Variants in MRPS28 observed in about 807,000 individuals in gnomAD.
MRPS28 encodes mitochondrial ribosomal protein S28, also known as small ribosomal subunit protein bS1m.
A neutral mutation model predicts 10.8 loss-of-function variants in MRPS28; 7 were observed. The ratio of observed to expected loss-of-function variants is 0.65; its 90% CI spans 0.37 to 1.22. MRPS28 has a LOEUF of 1.22. Ranked by LOEUF, MRPS28 falls within the 50% of genes most tolerant of loss-of-function variation. The pLI is 0.02. For synonymous variants in MRPS28, 121 were observed against 93.3 expected, an observed-to-expected ratio of 1.30 and a Z score of -1.71; for missense variants, 265 against 232.9, an observed-to-expected ratio of 1.14 and a Z score of -0.90.
chr8:79,999,135 T>C (rs1272498329), intron 2 of MRPS28, among the ~76,000 whole-genome samples: 7 of 152,212 alleles, frequency 4.6e-5, no homozygotes, highest in Admixed American at 1.3e-4. Context: ...ATTTAAAATG[T>C]ACCAAAGCAG....
At chr8:79,942,287 T>G (rs1206965001) in intron 2 of MRPS28, among the ~76,000 whole-genome samples, 1 of 152,190 alleles carries the variant, frequency 6.6e-6, no homozygotes, top group African/African-American at 2.4e-5. Flanking sequence ...GTGATACACT[T>G]GGAAGCAGCA....
intron 2 of MRPS28, among the ~76,000 whole-genome samples, chr8:79,943,203 G>A (rs192390432): frequency 1.3e-5 from 2 of 152,312 alleles, no homozygotes; most frequent in East Asian, 3.9e-4. Context: ...GATGAAAGAA[G>A]AGTGCTAAAA....
At chr8:79,991,909 G>GCTCGCT (rs1808372603) in intron 2 of MRPS28, among the ~76,000 whole-genome samples, 2 of 133,008 alleles carry the variant, frequency 1.5e-5, no homozygotes, top group African/African-American at 3.1e-5. Flanking sequence ...CTTCCTCCTT[G>GCTCGCT]CTCTCTCTCT....
At chr8:80,002,819 AG>A (rs1164522712) in intron 2 of MRPS28, among the ~76,000 whole-genome samples, 179 bp downstream of exon 2, 4 of 152,260 alleles carry the variant, frequency 2.6e-5, no homozygotes, top group Non-Finnish European at 5.9e-5. Context: ...AGAAGATATG[AG>A]TCTGGCCTGA....
rs1809168553 is a variant in MRPS28 at position 80,015,409 on chromosome 8, G to A, written c.214-12229C>T. On this transcript the variant is annotated intron_variant, in intron 1 of 2. Transcript: ENST00000276585. The stretch of plus-strand genomic sequence containing the variant: ...CAGAGCCTAAGTGTCCTGGAGGAAG[G>A]GAAATAACCAATTCTAGCTGGCACT... Among the ~76,000 whole-genome samples the A allele has an allele frequency of 3.9e-5, 6 of 152,146 alleles. No homozygotes were observed. In the South Asian group the frequency reaches 1.2e-3, roughly 32 times the overall value.
intron 2 of MRPS28, among the ~76,000 whole-genome samples, chr8:79,940,902 A>G (rs1806749696): frequency 6.6e-6 from 1 of 152,256 alleles, no homozygotes; most frequent in African/African-American, 2.4e-5. Flanking sequence ...AGCACGCAAC[A>G]TTGATTTTTA....
chr8:79,953,415 AT>A (rs945316625), intron 2 of MRPS28, among the ~76,000 whole-genome samples: 5 of 152,204 alleles, frequency 3.3e-5, no homozygotes, highest in African/African-American at 1.2e-4. Flanking sequence ...AGAAACAGCC[AT>A]TTATAGGCCT....
At chr8:80,012,904 C>A (rs1014734775) in intron 1 of MRPS28, among the ~76,000 whole-genome samples, 1 of 152,130 alleles carries the variant, frequency 6.6e-6, no homozygotes, top group Non-Finnish European at 1.5e-5. Context: ...ACAGGGGCAA[C>A]TAGTGCTAAA....
At chr8:79,939,198 C>G (rs1415202053) in intron 2 of MRPS28, among the ~76,000 whole-genome samples, 1 of 152,198 alleles carries the variant, frequency 6.6e-6, no homozygotes, top group Non-Finnish European at 1.5e-5. Context: ...ACATCACATT[C>G]TTACTCATTT....
chr8:79,946,855 T>C (rs930314600), intron 2 of MRPS28, among the ~76,000 whole-genome samples: 1 of 152,142 alleles, frequency 6.6e-6, no homozygotes, highest in Non-Finnish European at 1.5e-5. Flanking sequence ...TTTCAGAATG[T>C]TGCCTAAGTA....
At chr8:79,974,666 A>T (rs762191698) in intron 2 of MRPS28, among the ~76,000 whole-genome samples, 2 of 152,186 alleles carry the variant, frequency 1.3e-5, no homozygotes, top group Non-Finnish European at 2.9e-5. Context: ...TATTTTTAAA[A>T]AAAGCTGAAA....
At chr8:79,961,483 C>G (rs1437757199) in intron 2 of MRPS28, among the ~76,000 whole-genome samples, 1 of 152,102 alleles carries the variant, frequency 6.6e-6, no homozygotes, top group Non-Finnish European at 1.5e-5. Flanking sequence ...TAACTTTTCT[C>G]CATTCTTCTC....
At position 80,004,171 on chromosome 8, in the gene MRPS28, A is replaced by T. The variant is rs180726921; in HGVS notation, c.214-991T>A. Among the ~76,000 whole-genome samples the T allele has an allele frequency of 9.2e-5, 14 of 152,312 alleles. No individual in the cohort carries two copies. The East Asian group carries it at 2.3e-3, about 25-fold the overall frequency. On this transcript the variant is annotated intron_variant, in intron 1 of 2. Transcript: ENST00000276585. Reference sequence around the variant, plus strand: ...CCCAGCACTGAGTTTGAGATCTGAGAACAGACAGACTGCCTCCTCAAGTGG... The same window carrying T: ...CCCAGCACTGAGTTTGAGATCTGAGTACAGACAGACTGCCTCCTCAAGTGG...
chr8:79,927,445 T>C (rs1255200495), intron 2 of MRPS28, among the ~76,000 whole-genome samples: 2 of 149,034 alleles, frequency 1.3e-5, no homozygotes, highest in Non-Finnish European at 3.0e-5. Context: ...CCTAATCCCC[T>C]GCACTTTCGA....
At chr8:79,920,546 T>G (rs150040271) in intron 2 of MRPS28, among the ~76,000 whole-genome samples, 1 of 152,250 alleles carries the variant, frequency 6.6e-6, no homozygotes, top group Non-Finnish European at 1.5e-5. Flanking sequence ...TGGCCAGTGA[T>G]GGTGAACATT....
chr8:79,978,976 A>C (rs756055715), intron 2 of MRPS28, among the ~76,000 whole-genome samples: 8 of 152,238 alleles, frequency 5.3e-5, no homozygotes, highest in Non-Finnish European at 1.2e-4. Context: ...TTCTAATATA[A>C]AATACATTCA....
Position 79,945,496 on chromosome 8 carries a change from C to T in MRPS28, c.396-26348G>A, listed in dbSNP as rs190782383. Among the ~76,000 whole-genome samples, 493 of 152,222 alleles carry T rather than the reference C, an allele frequency of 3.2e-3. 3 individuals carry two copies. The highest frequency in any genetic ancestry group is 0.018 in the South Asian group (87 of 4,824). On this transcript the variant is annotated intron_variant, in intron 2 of 2. Transcript: ENST00000276585. ...GATTAGACCCCCATAGCAAACCAAACGTAACATAAGCTGTATAATGGGTAC... is the reference window on the plus strand; with the variant it reads ...GATTAGACCCCCATAGCAAACCAAATGTAACATAAGCTGTATAATGGGTAC...
chr8:79,976,620 T>C lies in MRPS28; in HGVS notation c.395+26379A>G, dbSNP rs542707601. On this transcript the variant is annotated intron_variant, in intron 2 of 2. Coordinates refer to ENST00000276585, the MANE Select transcript of MRPS28 (RefSeq NM_014018.3). ...ACACGGGAGGCTGAGGTGGGAGGAT[T>C]GCTTCAACCAGGGAGGTGATGGTTG... Among the ~76,000 whole-genome samples the C allele has an allele frequency of 7.0e-4, 106 of 152,188 alleles. 1 individual carries two copies. The highest frequency in any genetic ancestry group is 1.3e-3 in the Non-Finnish European group (90 of 67,996).
intron 2 of MRPS28, among the ~76,000 whole-genome samples, chr8:79,979,166 A>G (rs942541323): frequency 2.0e-5 from 3 of 152,216 alleles, no homozygotes; most frequent in African/African-American, 7.2e-5. Context: ...TCAAATCTTT[A>G]TAATACGGGA....
Sources: allele counts gnomAD v4.1 joint callset (sites outside exome capture counted in the v4.1 genomes callset), GRCh38; gene constraint gnomAD v4.1.1; transcripts MANE v1.5; gene names NCBI Gene and HGNC (gene_info 2026-07-23, HGNC 2026-07-21).